The following EFHC1 variants were observed in gnomAD, a reference collection of about 807,000 sequenced individuals.
The protein encoded by EFHC1 is EF-hand domain-containing protein 1.
A neutral mutation model predicts 69.9 loss-of-function variants in EFHC1; 53 were observed. The observed-to-expected ratio is 0.76, with a 90% CI of 0.61 to 0.95. EFHC1 has a LOEUF of 0.95. Ranked by LOEUF, EFHC1 falls within the 40% of genes least tolerant of loss-of-function variation. The pLI is 0.00. For missense variants in EFHC1, 739 were observed against 798.7 expected, an observed-to-expected ratio of 0.93 and a Z score of 0.90; for synonymous variants, 256 against 278.4, an observed-to-expected ratio of 0.92 and a Z score of 0.80.
chr6:52,441,977 T>A (rs1213988678), intron 3 of EFHC1, among the ~76,000 whole-genome samples: 1 of 152,158 alleles, frequency 6.6e-6, no homozygotes, highest in African/African-American at 2.4e-5. Flanking sequence ...CCGAAGTTGT[T>A]TATTAACTTA....
intron 7 of EFHC1, among the ~76,000 whole-genome samples, chr6:52,472,950 T>A (rs767268069): frequency 2.6e-5 from 4 of 152,174 alleles, no homozygotes; most frequent in Non-Finnish European, 5.9e-5. Context: ...GCTAGAAAAT[T>A]CAGTATTATA....
At chr6:52,423,657 ATTTTTTTTT>A (rs59383268) in intron 1 of EFHC1, 3 of 263,444 alleles carry the variant, frequency 1.1e-5, no homozygotes, top group Non-Finnish European at 2.0e-5. Flanking sequence ...CACCCAGCTA[ATTTTTTTTT>A]TTTTTTTTTT....
chr6:52,432,874 C>T (rs766386844), intron 2 of EFHC1, among the ~76,000 whole-genome samples: 1 of 151,714 alleles, frequency 6.6e-6, no homozygotes, highest in East Asian at 1.9e-4. Context: ...AGGCTTTGTT[C>T]ATATTTTCTT....
In EFHC1 at chr6:52,464,930, C is replaced by A. The variant is rs1452409120; in HGVS notation, c.952C>A (p.Gln318Lys). Residue 318 changes from glutamine to lysine, a missense_variant, in exon 6 of 11, where the codon CAA becomes AAA. Physicochemically the swap from Gln to Lys is moderately conservative, Grantham distance 53. Transcript: ENST00000371068. ...FPQCVLEISDQEVLEWYTAKD... is the reference protein window; with the variant it reads ...FPQCVLEISDKEVLEWYTAKD... ...TCAGTGTGTGCTAGAAATCTCTGAC[C>A]AAGAAGTGTTGGAATGGTATACTGC... is the stretch of plus-strand genomic sequence containing the variant. 4 of 1,613,914 alleles carry A rather than the reference C, an allele frequency of 2.5e-6. No homozygotes were observed. Among genetic ancestry groups the A allele is most frequent in the Non-Finnish European group, 3.4e-6 (4 of 1,180,004 alleles).
chr6:52,480,019 G>A (rs1765640922), intron 9 of EFHC1: 1 of 681,310 alleles, frequency 1.5e-6, no homozygotes, highest in Non-Finnish European at 2.4e-6. Flanking sequence ...GGAGTTAGGG[G>A]TACCAGCCTC....
chr6:52,485,175 T>C (rs1435009468), intron 9 of EFHC1: 1 of 152,124 alleles, frequency 6.6e-6, no homozygotes, highest in Non-Finnish European at 1.5e-5. Context: ...TGGACAGCAT[T>C]AAAGGCCCAC....
chr6:52,465,139 G>A (rs1765274988), intron 6 of EFHC1, 24 bp downstream of exon 6: 2 of 1,603,772 alleles, frequency 1.2e-6, no homozygotes, highest in South Asian at 1.1e-5. Context: ...ACTTCTTAGT[G>A]TGGTGAGAAA....
intron 6 of EFHC1, 160 bp from the exon 7 acceptor site, chr6:52,469,173 G>A: frequency 1.1e-6 from 1 of 886,630 alleles, no homozygotes; most frequent in Non-Finnish European, 1.7e-6. Flanking sequence ...AGAGGAAGGG[G>A]ATAAGTGATA....
At chr6:52,425,271 T>C (rs1764278517) in intron 2 of EFHC1, among the ~76,000 whole-genome samples, 1 of 152,218 alleles carries the variant, frequency 6.6e-6, no homozygotes, top group African/African-American at 2.4e-5. Flanking sequence ...TTGTTTCTTT[T>C]GTTTATTTGT....
chr6:52,432,535 A>G lies in EFHC1; in HGVS notation c.286-5769A>G, dbSNP rs142400492. ...TTAAGGAGGCTGAAGATAGGGCCCC[A>G]ATCCCTTCTAGCTTGTAGGGTTTCT... On this transcript the variant is annotated intron_variant, in intron 2 of 10. Transcript: ENST00000371068. Among the ~76,000 whole-genome samples the G allele has an allele frequency of 5.5e-3, 843 of 152,306 alleles. 8 individuals carry two copies. The highest frequency in any genetic ancestry group is 0.019 in the African/African-American group (792 of 41,572).
chr6:52,446,575 T>C (rs1022202754), intron 3 of EFHC1, among the ~76,000 whole-genome samples: 7 of 152,214 alleles, frequency 4.6e-5, no homozygotes, highest in Non-Finnish European at 1.0e-4. Flanking sequence ...AGGTTAATAT[T>C]GTTAAGTGTG....
chr6:52,424,430 A>G (rs1367211995), intron 2 of EFHC1, among the ~76,000 whole-genome samples: 3 of 152,244 alleles, frequency 2.0e-5, no homozygotes, highest in Non-Finnish European at 4.4e-5. Flanking sequence ...AAAGTTGGCT[A>G]TAATTCTGAA....
chr6:52,470,383 T>C (rs1765410076), intron 7 of EFHC1, among the ~76,000 whole-genome samples: 1 of 152,218 alleles, frequency 6.6e-6, no homozygotes, highest in African/African-American at 2.4e-5. Flanking sequence ...TTTCAGTTAC[T>C]GTTAAAATTC....
chr6:52,433,953 T>C (rs1164644714), intron 2 of EFHC1, among the ~76,000 whole-genome samples: 1 of 151,958 alleles, frequency 6.6e-6, no homozygotes, highest in Non-Finnish European at 1.5e-5. Context: ...GTCAGGGAAG[T>C]GGGGGAAAGC....
At chr6:52,429,468 GT>G (rs1206767162) in intron 2 of EFHC1, among the ~76,000 whole-genome samples, 1 of 152,074 alleles carries the variant, frequency 6.6e-6, no homozygotes. Flanking sequence ...CTCACTTTAT[GT>G]TTTTGTTTGC....
At chr6:52,488,997 A>T (rs1328388952) in intron 9 of EFHC1, 1 of 152,224 alleles carries the variant, frequency 6.6e-6, no homozygotes, top group Non-Finnish European at 1.5e-5. Context: ...CTTAGGATAA[A>T]TTATTTGAGA....
chr6:52,482,337 C>T (rs146790727), intron 9 of EFHC1: 11,537 of 147,850 alleles, frequency 0.078, 553 homozygotes, highest in Middle Eastern at 0.11. Flanking sequence ...AGCAAGTCTC[C>T]GTCTCAAAAA....
chr6:52,423,922 A>G, intron 1 of EFHC1, 24 bp from the exon 2 acceptor site: 1 of 1,613,050 alleles, frequency 6.2e-7, no homozygotes, highest in Non-Finnish European at 8.5e-7. Flanking sequence ...AATGTTATTA[A>G]TGACACATTC....
chr6:52,445,433 A>G (rs139774665), intron 3 of EFHC1, among the ~76,000 whole-genome samples: 6,519 of 150,696 alleles, frequency 0.043, 199 homozygotes, highest in Non-Finnish European at 0.07. Flanking sequence ...ATATCTCCCA[A>G]TGCTGTCCCT....
Sources: gnomAD v4.1 joint callset for allele counts (sites outside exome capture counted in the v4.1 genomes callset) on GRCh38, gnomAD v4.1.1 for gene constraint, MANE v1.5 for transcripts, NCBI Gene and HGNC (gene_info 2026-07-23, HGNC 2026-07-21) for gene names.